Variants in ATP13A5 observed in about 807,000 individuals in gnomAD.
The protein encoded by ATP13A5 is ATPase 13A5.
ATP13A5 carries 149 observed loss-of-function variants against 150.2 expected under a neutral mutation model. The observed-to-expected ratio is 0.99, with a 90% CI of 0.87 to 1.14. ATP13A5 has a LOEUF of 1.14. ATP13A5 is among the 50% of genes most tolerant of loss of function. The pLI is 0.00. For synonymous variants in ATP13A5, 497 were observed against 522.2 expected, an observed-to-expected ratio of 0.95 and a Z score of 0.66; for missense variants, 1,383 against 1,449.3, an observed-to-expected ratio of 0.95 and a Z score of 0.74.
chr3:193,321,822 T>A lies in ATP13A5; in HGVS notation c.1774A>T (p.Ile592Phe). The change falls in exon 16 of 30, where the codon ATC (isoleucine) becomes TTC (phenylalanine). Residue 592 changes from isoleucine to phenylalanine, a missense_variant. Physicochemically the swap from Ile to Phe is conservative, Grantham distance 21. Around this residue, in one of 3 missense-constraint regions of ATP13A5, gnomAD observed 787 missense variants for 771.9 expected, o/e 1.02. Transcript: ENST00000342358. ...AATGGAAACTGGCACAAGGTGATGA[T>A]GGCTTCCACTGGACTCTGCAAGCCC... is the stretch of plus-strand genomic sequence containing the variant. ...PKASKSPVEA[I>F]ITLCQFPFSS... 7 of 1,614,098 alleles carry A rather than the reference T, an allele frequency of 4.3e-6. No homozygotes were observed. Among genetic ancestry groups the A allele is most frequent in the Non-Finnish European group, 5.9e-6 (7 of 1,179,978 alleles).
At chr3:193,301,368 T>C in intron 23 of ATP13A5, 61 bp from the exon 24 acceptor site, 1 of 1,280,970 alleles carries the variant, frequency 7.8e-7, no homozygotes. Flanking sequence ...CCCAACTTCT[T>C]TTATACTTAA....
intron 16 of ATP13A5, among the ~76,000 whole-genome samples, chr3:193,320,634 G>T (rs57600138): frequency 1.5e-5 from 2 of 134,102 alleles, no homozygotes; most frequent in Non-Finnish European, 3.0e-5. Flanking sequence ...GAAGAAAAGG[G>T]GCTAAAAAAA....
intron 1 of ATP13A5, among the ~76,000 whole-genome samples, chr3:193,366,446 T>A (rs776574466): frequency 3.3e-5 from 5 of 152,038 alleles, no homozygotes; most frequent in Admixed American, 2.6e-4. Flanking sequence ...GATATCGCTG[T>A]ATTACTATCA....
intron 28 of ATP13A5, among the ~76,000 whole-genome samples, chr3:193,277,285 G>T (rs1277107630): frequency 6.6e-6 from 1 of 152,206 alleles, no homozygotes; most frequent in Non-Finnish European, 1.5e-5. Context: ...GAGACTAGAT[G>T]CAGATTGCTT....
intron 5 of ATP13A5, among the ~76,000 whole-genome samples, chr3:193,356,243 G>T (rs6794820): frequency 0.54 from 82,083 of 151,258 alleles, 22,451 homozygotes; most frequent in African/African-American, 0.62. Context: ...TTACCTGAAA[G>T]TACACGTTAT....
rs149908375 is a variant in ATP13A5, at chr3:193,294,300, A to AT, written c.2849-4242dup. ...GGTGCTTCCAAGTTCCTGTTCTTAGATTTTTTTGAGAATTATGTTCTTAAA... is the reference window on the plus strand; with the variant it reads ...GGTGCTTCCAAGTTCCTGTTCTTAGATTTTTTTTGAGAATTATGTTCTTAAA... On this transcript the variant is annotated intron_variant, in intron 25 of 29. Transcript: ENST00000342358. 8.3e-3 allele frequency among the ~76,000 whole-genome samples: 1,258 copies of AT among 152,086 alleles called. 17 individuals carry two copies. Among genetic ancestry groups the AT allele is most frequent in the African/African-American group, 0.028 (1,179 of 41,504 alleles).
intron 21 of ATP13A5, among the ~76,000 whole-genome samples, chr3:193,307,738 A>G (rs111805470): frequency 0.011 from 1,689 of 152,328 alleles, 18 homozygotes; most frequent in Non-Finnish European, 0.017. Flanking sequence ...TCATAACCCA[A>G]TCCAGCTGCA....
At chr3:193,281,759 A>G (rs1218345469) in intron 27 of ATP13A5, among the ~76,000 whole-genome samples, 2 of 152,290 alleles carry the variant, frequency 1.3e-5, no homozygotes, top group Admixed American at 6.5e-5. Flanking sequence ...CCTGTATGCT[A>G]AAATGTAAAA....
At chr3:193,291,490 C>T (rs1044332749) in intron 25 of ATP13A5, among the ~76,000 whole-genome samples, 1 of 152,018 alleles carries the variant, frequency 6.6e-6, no homozygotes. Context: ...AACAAGATGA[C>T]TCATGGTGGG....
Position 193,290,786 on chromosome 3 carries a change from G to A in ATP13A5, c.2849-727C>T, listed in dbSNP as rs183446958. Among the ~76,000 whole-genome samples, 24 of 152,212 alleles carry A rather than the reference G, an allele frequency of 1.6e-4. No individual in the cohort carries two copies. In the South Asian group the frequency reaches 2.3e-3, roughly 14 times the overall value. On this transcript the variant is annotated intron_variant, in intron 25 of 29. Transcript: ENST00000342358. ...AAAAGAACAACTATTTTAAAAAGAC[G>A]ACTACATCCTTAGTAGCTACATATA...
chr3:193,279,605 A>G, intron 27 of ATP13A5, 151 bp from the exon 28 acceptor site: 3 of 626,706 alleles, frequency 4.8e-6, no homozygotes, highest in Non-Finnish European at 8.6e-6. Flanking sequence ...AATATGTTCT[A>G]ATGCTTATAA....
At chr3:193,349,052 T>C (rs1257451958) in intron 7 of ATP13A5, among the ~76,000 whole-genome samples, 2 of 152,198 alleles carry the variant, frequency 1.3e-5, no homozygotes, top group Non-Finnish European at 2.9e-5. Context: ...AACACATACA[T>C]TGTGAATGTG....
intron 13 of ATP13A5, 56 bp downstream of exon 13, chr3:193,326,940 G>A (rs1317590146): frequency 1.4e-6 from 2 of 1,476,768 alleles, no homozygotes; most frequent in Non-Finnish European, 1.9e-6. Context: ...ATGGATTTGA[G>A]TATCATCCAG....
chr3:193,316,572 A>C (rs1241048614), intron 17 of ATP13A5, among the ~76,000 whole-genome samples: 1 of 152,186 alleles, frequency 6.6e-6, no homozygotes, highest in Non-Finnish European at 1.5e-5. Flanking sequence ...CCTAATGACT[A>C]GTAAAGTTGA....
intron 1 of ATP13A5, among the ~76,000 whole-genome samples, chr3:193,372,067 G>A (rs570673184): frequency 6.6e-6 from 1 of 151,918 alleles, no homozygotes. Context: ...GGGAGGCTGA[G>A]GCAGGCAGAT....
At position 193,315,028 on chromosome 3, in the gene ATP13A5, G is replaced by C. The variant is rs568856073; in HGVS notation, c.2102C>G (p.Thr701Ser). The C allele has an allele frequency of 1.9e-6, 3 of 1,606,450 alleles. No individual in the cohort carries two copies. The highest frequency in any genetic ancestry group is 2.2e-5 in the South Asian group (2 of 90,978). ...LIMENRLKKE[T>S]KLVLKELSEA... ...ACTCAGTTCCTTCAAGACCAGTTTGGTTTCTTTTTTCAAGCGATTCTCCAT... is the reference window on the plus strand; with the variant it reads ...ACTCAGTTCCTTCAAGACCAGTTTGCTTTCTTTTTTCAAGCGATTCTCCAT... The change falls in exon 18 of 30, where the codon ACC (threonine) becomes AGC (serine). Residue 701 changes from threonine (T) to serine (S), a missense_variant. Physicochemically the swap from Thr to Ser is moderately conservative, Grantham distance 58. Transcript: ENST00000342358.
chr3:193,351,886 T>C (rs1423270318), intron 6 of ATP13A5, among the ~76,000 whole-genome samples: 3 of 152,204 alleles, frequency 2.0e-5, no homozygotes, highest in African/African-American at 7.2e-5. Flanking sequence ...TCAACTTTTT[T>C]TGTTCCCTCA....
At chr3:193,339,215 T>G (rs1712019504) in intron 9 of ATP13A5, among the ~76,000 whole-genome samples, 1 of 152,244 alleles carries the variant, frequency 6.6e-6, no homozygotes, top group African/African-American at 2.4e-5. Flanking sequence ...TTTTAAGGGT[T>G]TTTTGTGTCT....
intron 1 of ATP13A5, among the ~76,000 whole-genome samples, chr3:193,377,455 A>G (rs1713682462): frequency 1.3e-5 from 2 of 152,218 alleles, no homozygotes; most frequent in Admixed American, 6.5e-5. Context: ...TATAAAAATT[A>G]TTAATAAGAT....
Sources: gnomAD v4.1 joint callset for allele counts (sites outside exome capture counted in the v4.1 genomes callset) on GRCh38, gnomAD v4.1.1 for gene constraint, gnomAD v4.1.1 regional missense constraint, MANE v1.5 for transcripts, NCBI Gene and HGNC (gene_info 2026-07-23, HGNC 2026-07-21) for gene names.